The following GPC6 variants were observed in gnomAD, a reference collection of about 807,000 sequenced individuals.
GPC6 encodes glypican 6, also known as glypican-6.
A neutral mutation model predicts 55.2 loss-of-function variants in GPC6; 14 were observed. The observed-to-expected ratio is 0.25, with a 90% confidence interval of 0.17 to 0.40. GPC6 has a LOEUF of 0.40. GPC6 is among the 10% of genes least tolerant of loss of function. The probability of loss-of-function intolerance (pLI) is 1.00; values close to 1 mark genes in which losing one functional copy is unlikely to be tolerated. For synonymous variants in GPC6, 278 were observed against 259.6 expected (o/e 1.07, Z -0.68); for missense variants, 641 against 708.5 (o/e 0.90, Z 1.08).
At chr13:93,545,204 C>A in intron 1 of GPC6, 59 bp from the exon 2 acceptor site, 1 of 1,425,320 alleles carries the variant, frequency 7.0e-7, no homozygotes, top group South Asian at 1.1e-5. Flanking sequence ...GAAGTGAAAT[C>A]TCTAACGTCT....
intron 2 of GPC6, among the ~76,000 whole-genome samples, chr13:93,672,555 T>G (rs766678400): frequency 6.6e-6 from 1 of 151,944 alleles, no homozygotes; most frequent in African/African-American, 2.4e-5. Flanking sequence ...TTCTGTGTTA[T>G]CTACCTCTTT....
intron 1 of GPC6, among the ~76,000 whole-genome samples, chr13:93,434,180 G>A (rs752344013): frequency 6.6e-5 from 10 of 152,094 alleles, no homozygotes; most frequent in East Asian, 1.9e-4. Context: ...CCATGCAACC[G>A]TTCTCACAGA....
At chr13:93,383,315 G>A (rs554275619) in intron 1 of GPC6, among the ~76,000 whole-genome samples, 20 of 152,176 alleles carry the variant, frequency 1.3e-4, no homozygotes, top group Non-Finnish European at 2.4e-4. Flanking sequence ...AGGCTCATGG[G>A]ATCCTTTCAC....
chr13:94,263,319 T>C (rs1891705250), intron 4 of GPC6, among the ~76,000 whole-genome samples: 1 of 152,230 alleles, frequency 6.6e-6, no homozygotes, highest in South Asian at 2.1e-4. Flanking sequence ...TAAAGTACTG[T>C]ACATTTGTTT....
At position 93,830,440 on chromosome 13, in the gene GPC6, C is replaced by T. The variant is rs376665919; in HGVS notation, c.606C>T (p.Asp202=). The change falls in exon 3 of 9, where the codon GAC becomes GAT. Residue 202 remains aspartate, a synonymous_variant. Transcript: ENST00000377047. The stretch of plus-strand genomic sequence containing the variant: ...CTGACCAGCTCAAGCCATTTGGAGA[C>T]GTGCCCCGGAAACTGAAGATTCAGG... ...KYTDQLKPFG[D]VPRKLKIQVT... is the part of the protein sequence containing the mutation. 17 of 1,613,616 alleles carry T rather than the reference C, an allele frequency of 1.1e-5. No individual in the cohort carries two copies. The Admixed American group carries it at 1.7e-4, about 16-fold the overall frequency.
At chr13:93,819,170 A>T (rs879566653) in intron 2 of GPC6, among the ~76,000 whole-genome samples, 2 of 152,202 alleles carry the variant, frequency 1.3e-5, no homozygotes, top group Non-Finnish European at 2.9e-5. Flanking sequence ...GTTCCTCTTT[A>T]GTCTCCTTAG....
intron 1 of GPC6, among the ~76,000 whole-genome samples, chr13:93,423,955 C>T (rs888301508): frequency 6.6e-6 from 1 of 152,194 alleles, no homozygotes; most frequent in Admixed American, 6.5e-5. Flanking sequence ...GTACAACTTC[C>T]GTATCTGGTG....
At chr13:94,111,715 A>G (rs1261519310) in intron 4 of GPC6, among the ~76,000 whole-genome samples, 1 of 152,080 alleles carries the variant, frequency 6.6e-6, no homozygotes, top group African/African-American at 2.4e-5. Context: ...TGGTTTATTT[A>G]CATGACAGTC....
intron 1 of GPC6, among the ~76,000 whole-genome samples, chr13:93,485,249 G>A (rs922344227): frequency 1.3e-5 from 2 of 152,190 alleles, no homozygotes; most frequent in Non-Finnish European, 2.9e-5. Context: ...AGGTATGAAA[G>A]CACAGGTGGA....
intron 2 of GPC6, among the ~76,000 whole-genome samples, chr13:93,623,463 T>TCTTTTC (rs755599437): frequency 7.0e-6 from 1 of 143,422 alleles, no homozygotes; most frequent in Non-Finnish European, 1.5e-5. Context: ...TTCTTTTTTT[T>TCTTTTC]TTTTTTTTTT....
chr13:94,068,422 A>T (rs573508619), intron 4 of GPC6, among the ~76,000 whole-genome samples: 6 of 152,302 alleles, frequency 3.9e-5, no homozygotes, highest in African/African-American at 1.4e-4. Flanking sequence ...GGACACAGCC[A>T]AACCATATCA....
intron 1 of GPC6, among the ~76,000 whole-genome samples, chr13:93,275,369 G>C (rs1048447084): frequency 6.6e-6 from 1 of 152,080 alleles, no homozygotes; most frequent in African/African-American, 2.4e-5. Context: ...ATGAGGCATG[G>C]AAATGAGGAG....
At chr13:93,633,125 A>G (rs1879530951) in intron 2 of GPC6, among the ~76,000 whole-genome samples, 1 of 152,162 alleles carries the variant, frequency 6.6e-6, no homozygotes, top group Admixed American at 6.5e-5. Context: ...ATGTGTTCTC[A>G]TGGGTCATAC....
chr13:94,115,401 G>A (rs1393267859), intron 4 of GPC6, among the ~76,000 whole-genome samples: 1 of 152,098 alleles, frequency 6.6e-6, no homozygotes, highest in Non-Finnish European at 1.5e-5. Context: ...CAAGGGAGAT[G>A]GTCCCAGCTG....
intron 1 of GPC6, among the ~76,000 whole-genome samples, chr13:93,542,073 G>A (rs1441841792): frequency 6.6e-6 from 1 of 152,054 alleles, no homozygotes; most frequent in Non-Finnish European, 1.5e-5. Context: ...ATTGCTTTTG[G>A]TGTTTTAGAC....
At chr13:94,059,915 G>C (rs1245204432) in intron 4 of GPC6, among the ~76,000 whole-genome samples, 3 of 151,728 alleles carry the variant, frequency 2.0e-5, no homozygotes, top group Admixed American at 6.6e-5. Context: ...TAAACATCCA[G>C]TCTGTGGCAG....
At chr13:93,564,296 A>G (rs1875974417) in intron 2 of GPC6, among the ~76,000 whole-genome samples, 1 of 152,164 alleles carries the variant, frequency 6.6e-6, no homozygotes, top group Admixed American at 6.6e-5. Context: ...CTTGCTTTAA[A>G]TGTCAGCAGA....
chr13:94,267,093 G>A (rs1185850706), intron 4 of GPC6, among the ~76,000 whole-genome samples: 4 of 152,046 alleles, frequency 2.6e-5, no homozygotes, highest in Admixed American at 6.5e-5. Flanking sequence ...TAAAGCCCCC[G>A]TTTTCTCACC....
At chr13:93,430,026 G>T (rs1373597396) in intron 1 of GPC6, among the ~76,000 whole-genome samples, 1 of 152,112 alleles carries the variant, frequency 6.6e-6, no homozygotes, top group African/African-American at 2.4e-5. Flanking sequence ...CTTTATTCCA[G>T]TGTGCCCAGG....
Sources: allele counts gnomAD v4.1 joint callset (sites outside exome capture counted in the v4.1 genomes callset), GRCh38; gene constraint gnomAD v4.1.1; transcripts MANE v1.5; gene names NCBI Gene and HGNC (gene_info 2026-07-23, HGNC 2026-07-21).